SEPTIN9: variants seen among roughly 807,000 people sequenced by gnomAD.
The protein encoded by SEPTIN9 is septin 9, also known as septin-9.
SEPTIN9 carries 13 observed loss-of-function variants against 56.6 expected under a neutral mutation model. That is an observed-to-expected ratio of 0.23 (90% confidence interval 0.15 to 0.37). The LOEUF (loss-of-function observed/expected upper bound fraction) is 0.37. Ranked by LOEUF, SEPTIN9 falls within the 10% of genes least tolerant of loss-of-function variation. SEPTIN9 has a pLI of 1.00. For missense variants in SEPTIN9, 650 were observed against 823.1 expected (o/e 0.79, Z 2.57); for synonymous variants, 332 against 334.1 (o/e 0.99, Z 0.07).
chr17:77,366,198 C>T (rs756050811), intron 2 of SEPTIN9, among the ~76,000 whole-genome samples: 3 of 152,116 alleles, frequency 2.0e-5, no homozygotes, highest in East Asian at 1.9e-4. Context: ...GCAGAGCTCC[C>T]GGAAGGGTCA....
rs766102048 is a variant in SEPTIN9, at chr17:77,498,984, G to A, written c.*326G>A. On this transcript the variant is annotated 3_prime_UTR_variant, in exon 12 of 12. Coordinates refer to ENST00000427177, the MANE Select transcript of SEPTIN9 (RefSeq NM_001113491.2). Reference sequence around the variant, plus strand: ...GCTTCGGTGTGCAGATCATCCGTCTGTGTGGGGTTCTCAGTGCCGGAGGCC... The same window carrying A: ...GCTTCGGTGTGCAGATCATCCGTCTATGTGGGGTTCTCAGTGCCGGAGGCC... The A allele has an allele frequency of 3.9e-5, 21 of 543,116 alleles. 1 individual carries two copies. The highest frequency in any genetic ancestry group is 1.8e-4 in the South Asian group (12 of 65,306). 33.6% of individuals were successfully genotyped at this position (543,116 alleles called of 1,614,324 possible).
chr17:77,465,178 C>T (rs763005781), intron 3 of SEPTIN9, among the ~76,000 whole-genome samples: 2 of 152,226 alleles, frequency 1.3e-5, no homozygotes, highest in Non-Finnish European at 2.9e-5. Context: ...GTGCTTCATT[C>T]TTTTTCATGG....
At chr17:77,370,735 C>T (rs2034694707) in intron 2 of SEPTIN9, among the ~76,000 whole-genome samples, 1 of 152,190 alleles carries the variant, frequency 6.6e-6, no homozygotes. Context: ...TGCCCAGTGC[C>T]CCTTCTGGGA....
intron 1 of SEPTIN9, among the ~76,000 whole-genome samples, chr17:77,282,984 C>T (rs1474513937): frequency 6.6e-6 from 1 of 152,130 alleles, no homozygotes; most frequent in Non-Finnish European, 1.5e-5. Context: ...GACCGGGGTC[C>T]TCCCAGGTCG....
chr17:77,397,559 G>GA (rs2035760491), intron 2 of SEPTIN9, among the ~76,000 whole-genome samples: 1 of 152,198 alleles, frequency 6.6e-6, no homozygotes, highest in Admixed American at 6.5e-5. Flanking sequence ...AGACGAAAGT[G>GA]AATCTTCACA....
intron 3 of SEPTIN9, among the ~76,000 whole-genome samples, chr17:77,462,347 G>T (rs1335100675): frequency 6.6e-6 from 1 of 151,858 alleles, no homozygotes; most frequent in Non-Finnish European, 1.5e-5. Context: ...GCTCAAGCTG[G>T]GGCCCAGCTG....
In SEPTIN9 at chr17:77,423,274, G is replaced by A. The variant is rs1474226094; in HGVS notation, c.721+20571G>A. Among the ~76,000 whole-genome samples the A allele has an allele frequency of 2.0e-5, 3 of 152,136 alleles. No homozygotes were observed. The East Asian group carries it at 5.8e-4, about 29-fold the overall frequency. On this transcript the variant is annotated intron_variant, in intron 3 of 11. Transcript: ENST00000427177. ...TGGTCTCGAACTCCTGGCCTCAAGC[G>A]ATCCGCCCGCCTCAGCCTCCCAAAG...
chr17:77,362,303 C>T (rs1381459870), intron 2 of SEPTIN9, among the ~76,000 whole-genome samples: 2 of 152,196 alleles, frequency 1.3e-5, no homozygotes, highest in African/African-American at 2.4e-5. Flanking sequence ...ACTCCGTGGT[C>T]CCTGTGACCA....
chr17:77,452,544 G>A (rs1187643113), intron 3 of SEPTIN9, among the ~76,000 whole-genome samples: 1 of 152,112 alleles, frequency 6.6e-6, no homozygotes, highest in African/African-American at 2.4e-5. Context: ...TCCTTTCCTG[G>A]AGAAAAATAT....
At chr17:77,395,947 G>C (rs2035699152) in intron 2 of SEPTIN9, among the ~76,000 whole-genome samples, 1 of 152,158 alleles carries the variant, frequency 6.6e-6, no homozygotes, top group Non-Finnish European at 1.5e-5. Flanking sequence ...TTATTTCCTT[G>C]GGATAAATTC....
intron 1 of SEPTIN9, chr17:77,288,165 A>T: frequency 9.4e-7 from 1 of 1,059,602 alleles, no homozygotes; most frequent in East Asian, 5.2e-5. Context: ...TCCAGGCAGG[A>T]GTGTCATCTT....
intron 2 of SEPTIN9, among the ~76,000 whole-genome samples, chr17:77,388,810 CTTTTTT>C (rs5822196): frequency 9.0e-5 from 7 of 78,050 alleles, no homozygotes; most frequent in East Asian, 5.9e-4. Flanking sequence ...GTGTTAGGCG[CTTTTTT>C]TTTTTTTTTT....
chr17:77,362,190 A>G (rs1326900865), intron 2 of SEPTIN9, among the ~76,000 whole-genome samples: 1 of 152,196 alleles, frequency 6.6e-6, no homozygotes, highest in Non-Finnish European at 1.5e-5. Flanking sequence ...GCCTTCACCA[A>G]TCAGGCAGAT....
intron 2 of SEPTIN9, among the ~76,000 whole-genome samples, chr17:77,383,522 G>A (rs1306902607): frequency 6.6e-6 from 1 of 152,214 alleles, no homozygotes; most frequent in Non-Finnish European, 1.5e-5. Context: ...GAGCACGATG[G>A]AAATCTCTGT....
chr17:77,468,219 A>G (rs938824665), intron 3 of SEPTIN9, among the ~76,000 whole-genome samples: 1 of 152,094 alleles, frequency 6.6e-6, no homozygotes, highest in Non-Finnish European at 1.5e-5. Context: ...GAGCCCAGAT[A>G]GTGCCACTGC....
In SEPTIN9 at chr17:77,476,869, G is replaced by A. The variant is rs2039233934; in HGVS notation, c.722-5275G>A. On this transcript the variant is annotated intron_variant, in intron 3 of 11. Transcript: ENST00000427177. This position sits in a 1 kb window ranked among gnomAD's most constrained non-coding sequence, Gnocchi z 6.0. ...AAGTGTTGGCCTCTGGGCCTCAGCT[G>A]TCCTCTGAGCTGTAAAGCTGGCTCC... 6.6e-6 allele frequency among the ~76,000 whole-genome samples: 1 copy of A among 152,236 alleles called. No individual in the cohort carries two copies. Among genetic ancestry groups the A allele is most frequent in the South Asian group, 2.1e-4 (1 of 4,830 alleles).
rs916701888 is a variant in SEPTIN9 at position 77,433,620 on chromosome 17, G to A, written c.721+30917G>A. ...TGGCTTGCTTTCAATAGGCCAGAGG[G>A]GTGGGGCTGGAGCGGGCGTCTGACC... is the stretch of plus-strand genomic sequence containing the variant. On this transcript the variant is annotated intron_variant, in intron 3 of 11. Coordinates refer to ENST00000427177, the MANE Select transcript of SEPTIN9 (RefSeq NM_001113491.2). This position sits in a 1 kb window ranked among gnomAD's most constrained non-coding sequence, Gnocchi z 6.4. Among the ~76,000 whole-genome samples, 1 of 152,204 alleles carries A rather than the reference G, an allele frequency of 6.6e-6. No individual in the cohort carries two copies. Among genetic ancestry groups the A allele is most frequent in the Non-Finnish European group, 1.5e-5 (1 of 68,034 alleles).
intron 10 of SEPTIN9, among the ~76,000 whole-genome samples, chr17:77,493,888 T>A (rs2040146180): frequency 6.6e-6 from 1 of 150,762 alleles, no homozygotes; most frequent in South Asian, 2.1e-4. Context: ...TTCTCCTGCC[T>A]CAGCCTCCCG....
At chr17:77,430,762 G>A (rs2037097577) in intron 3 of SEPTIN9, among the ~76,000 whole-genome samples, 3 of 152,114 alleles carry the variant, frequency 2.0e-5, no homozygotes, top group Non-Finnish European at 2.9e-5. Context: ...AGGCCAAGGC[G>A]GGTGAATCCC....
Sources: allele counts gnomAD v4.1 joint callset (sites outside exome capture counted in the v4.1 genomes callset), GRCh38; gene constraint gnomAD v4.1.1; non-coding constraint Gnocchi (gnomAD v3.1); transcripts MANE v1.5; gene names NCBI Gene and HGNC (gene_info 2026-07-23, HGNC 2026-07-21).